The following DDX31 variants were observed in gnomAD, a reference collection of about 807,000 sequenced individuals.
The protein encoded by DDX31 is DEAD-box helicase 31, also known as ATP-dependent DNA helicase DDX31.
In DDX31, 70 loss-of-function variants were observed where a neutral mutation model predicts 91.3. That is an observed-to-expected ratio of 0.77 (90% CI 0.63 to 0.94). The LOEUF is 0.94. Ranked by LOEUF, DDX31 falls within the 40% of genes least tolerant of loss-of-function variation. The probability of loss-of-function intolerance (pLI) is 0.00; values close to 1 mark genes in which losing one functional copy is unlikely to be tolerated. For missense variants in DDX31, 902 were observed against 925.0 expected, an observed-to-expected ratio of 0.98 and a Z score of 0.32; for synonymous variants, 362 against 350.6, an observed-to-expected ratio of 1.03 and a Z score of -0.36.
At chr9:132,608,947 T>C (rs963599301) in intron 19 of DDX31, among the ~76,000 whole-genome samples, 4 of 152,194 alleles carry the variant, frequency 2.6e-5, no homozygotes, top group Admixed American at 6.5e-5. Flanking sequence ...ACGGTCCATG[T>C]GCAGATTAGC....
chr9:132,659,255 C>T (rs552955188), intron 5 of DDX31, among the ~76,000 whole-genome samples: 79 of 152,182 alleles, frequency 5.2e-4, no homozygotes, highest in Non-Finnish European at 9.6e-4. Context: ...AGCTGACTGC[C>T]CACTGAGGGC....
At chr9:132,630,243 C>T in intron 16 of DDX31, 21 bp downstream of exon 16, 3 of 1,563,544 alleles carry the variant, frequency 1.9e-6, no homozygotes, top group Non-Finnish European at 2.6e-6. Context: ...AGCCGAAACC[C>T]CATTCAGGTT....
At chr9:132,646,588 G>A (rs991534475) in intron 12 of DDX31, among the ~76,000 whole-genome samples, 3 of 152,180 alleles carry the variant, frequency 2.0e-5, no homozygotes, top group Non-Finnish European at 2.9e-5. Context: ...TCAGTCCCAG[G>A]AAAGGTATCG....
At chr9:132,638,054 G>C in intron 14 of DDX31, 2 of 1,229,082 alleles carry the variant, frequency 1.6e-6, no homozygotes, top group Non-Finnish European at 2.0e-6. Flanking sequence ...AAGCAGCACA[G>C]GTGATTTAGG....
chr9:132,598,002 C>T (rs572811227), intron 19 of DDX31, among the ~76,000 whole-genome samples: 1 of 152,162 alleles, frequency 6.6e-6, no homozygotes, highest in Non-Finnish European at 1.5e-5. Context: ...AGTCAATGTC[C>T]TTTTGACCTG....
intron 19 of DDX31, among the ~76,000 whole-genome samples, chr9:132,599,675 C>G (rs1042835175): frequency 6.6e-6 from 1 of 152,200 alleles, no homozygotes; most frequent in Admixed American, 6.5e-5. Context: ...TGCCTTTTGG[C>G]TTTGAGTTGG....
chr9:132,611,628 G>A (rs1481127547), intron 19 of DDX31, among the ~76,000 whole-genome samples: 1 of 152,072 alleles, frequency 6.6e-6, no homozygotes, highest in Admixed American at 6.5e-5. Flanking sequence ...TTGCCTTGAT[G>A]AGCGCTCACC....
chr9:132,669,745 C>G, intron 1 of DDX31, 115 bp downstream of exon 1: 1 of 1,529,578 alleles, frequency 6.5e-7, no homozygotes, highest in Non-Finnish European at 8.7e-7. Flanking sequence ...GTGTCTTTCT[C>G]CCGCTTAACT....
chr9:132,601,919 C>T (rs1830743612), intron 19 of DDX31, among the ~76,000 whole-genome samples: 1 of 152,208 alleles, frequency 6.6e-6, no homozygotes, highest in South Asian at 2.1e-4. Flanking sequence ...CAGCACACAG[C>T]CTGTTAGGAA....
At chr9:132,653,777 C>T (rs1834370731) in intron 6 of DDX31, among the ~76,000 whole-genome samples, 1 of 151,898 alleles carries the variant, frequency 6.6e-6, no homozygotes, top group South Asian at 2.1e-4. Flanking sequence ...AATAAAAATG[C>T]CACAAATGTG....
rs535561300 is a variant in DDX31, at chr9:132,629,411, GAA to G, written c.1631+851_1631+852del. On this transcript the variant is annotated intron_variant, in intron 16 of 19. Coordinates refer to ENST00000372159, the MANE Select transcript of DDX31 (RefSeq NM_022779.9). ...ACACTAACAACCTTGAAAGAGTTTT[GAA>G]AAGTCTTACTAGCATGAGAGGCAGA... Among the ~76,000 whole-genome samples the G allele has an allele frequency of 2.0e-3, 299 of 152,318 alleles. 2 individuals carry two copies. Among genetic ancestry groups the G allele is most frequent in the African/African-American group, 6.9e-3 (287 of 41,586 alleles).
At chr9:132,632,281 CACACACACACACACACAG>C (rs762144201) in intron 14 of DDX31, among the ~76,000 whole-genome samples, 190 bp from the exon 15 acceptor site, 6,677 of 147,576 alleles carry the variant, frequency 0.045, 236 homozygotes, top group East Asian at 0.096. Flanking sequence ...CACACACACA[CACACACACACACACACAG>C]TCCTGCATAC....
At chr9:132,630,160 G>T in intron 16 of DDX31, 104 bp downstream of exon 16, 2 of 1,323,306 alleles carry the variant, frequency 1.5e-6, no homozygotes, top group Non-Finnish European at 1.0e-6. Context: ...GGATCACAAG[G>T]GTTAATGGCT....
intron 17 of DDX31, among the ~76,000 whole-genome samples, chr9:132,622,068 T>C (rs1832064718): frequency 6.6e-6 from 1 of 151,870 alleles, no homozygotes; most frequent in African/African-American, 2.4e-5. Context: ...AGGTAGGAGC[T>C]GGGGCTGAGA....
intron 19 of DDX31, among the ~76,000 whole-genome samples, chr9:132,602,854 C>A (rs1830792310): frequency 6.6e-6 from 1 of 152,210 alleles, no homozygotes; most frequent in Non-Finnish European, 1.5e-5. Flanking sequence ...TACTTTAAGG[C>A]CATTTCTTTG....
Position 132,645,792 on chromosome 9 carries a change from T to C in DDX31, c.1380+103A>G, listed in dbSNP as rs1304990000. ...TGCCCAGTGGAGTGTGCAAGGGTCG[T>C]AGCCATTGCTGAGCCTAAAGACCAG... On this transcript the variant is annotated intron_variant, in intron 13 of 19. Coordinates refer to ENST00000372159, the MANE Select transcript of DDX31 (RefSeq NM_022779.9). The C allele has an allele frequency of 6.9e-6, 9 of 1,305,418 alleles. No homozygotes were observed. The South Asian group carries it at 1.2e-4, about 17-fold the overall frequency. The allele number at this position is 1,305,418 out of a possible 1,614,324, so 80.9% of individuals were successfully genotyped here.
chr9:132,651,550 AG>A (rs1834187077), intron 7 of DDX31, among the ~76,000 whole-genome samples: 1 of 152,222 alleles, frequency 6.6e-6, no homozygotes, highest in Admixed American at 6.5e-5. Context: ...TTCGCTCTCA[AG>A]GAGCGATGAC....
At position 132,669,527 on chromosome 9, in the gene DDX31, T is replaced by A. The variant is rs568047767; in HGVS notation, c.75+333A>T. ...AGTCGAGGAAACTGGCTTAGAGAAG[T>A]TAAGCTTTGGCCTGGGACTTGCGCC... On this transcript the variant is annotated intron_variant, in intron 1 of 19. Coordinates refer to ENST00000372159, the MANE Select transcript of DDX31 (RefSeq NM_022779.9). 4.3e-6 allele frequency: 6 copies of A among 1,380,704 alleles called. No individual in the cohort carries two copies. The East Asian group carries it at 1.8e-4, about 41-fold the overall frequency. 85.5% of individuals were successfully genotyped at this position (1,380,704 alleles called of 1,614,324 possible).
chr9:132,601,431 T>C (rs1315732927), intron 19 of DDX31, among the ~76,000 whole-genome samples: 1 of 152,170 alleles, frequency 6.6e-6, no homozygotes, highest in Non-Finnish European at 1.5e-5. Flanking sequence ...AGTGGTGCCA[T>C]CATGGGCAGT....
Sources: allele counts gnomAD v4.1 joint callset (sites outside exome capture counted in the v4.1 genomes callset), GRCh38; gene constraint gnomAD v4.1.1; transcripts MANE v1.5; gene names NCBI Gene and HGNC (gene_info 2026-07-23, HGNC 2026-07-21).